ASTN2: variants seen among roughly 807,000 people sequenced by gnomAD.
ASTN2 encodes astrotactin-2.
Under a neutral mutation model 139.8 loss-of-function variants are expected in ASTN2, and 54 were observed. The ratio of observed to expected loss-of-function variants is 0.39; its 90% confidence interval spans 0.31 to 0.48. The LOEUF (loss-of-function observed/expected upper bound fraction) is 0.48, where lower values mean the gene tolerates loss of function less well. ASTN2 is among the 20% of genes least tolerant of loss of function. ASTN2 has a pLI of 0.95. For missense variants in ASTN2, 1,565 were observed against 1,725.1 expected, an observed-to-expected ratio of 0.91 and a Z score of 1.64; for synonymous variants, 756 against 719.5, an observed-to-expected ratio of 1.05 and a Z score of -0.81.
intron 5 of ASTN2, among the ~76,000 whole-genome samples, chr9:117,043,344 T>G (rs1290848673): frequency 2.0e-5 from 3 of 152,108 alleles, no homozygotes; most frequent in Non-Finnish European, 4.4e-5. Context: ...CAGTGAGTCA[T>G]GGATAATAGC....
chr9:116,629,077 T>C (rs1856601472), intron 17 of ASTN2, among the ~76,000 whole-genome samples: 1 of 151,948 alleles, frequency 6.6e-6, no homozygotes, highest in African/African-American at 2.4e-5. Flanking sequence ...CCCAACAATT[T>C]GCGGAGGCAG....
chr9:116,490,547 G>A (rs866950749), intron 19 of ASTN2, among the ~76,000 whole-genome samples: 4 of 152,118 alleles, frequency 2.6e-5, no homozygotes, highest in Non-Finnish European at 4.4e-5. Context: ...AAATACTTGA[G>A]ACTGGGTAAC....
At chr9:116,935,229 A>G (rs1835034712) in intron 10 of ASTN2, among the ~76,000 whole-genome samples, 1 of 152,218 alleles carries the variant, frequency 6.6e-6, no homozygotes, top group Non-Finnish European at 1.5e-5. Context: ...TTCAATACAT[A>G]GAGGATTTGA....
intron 13 of ASTN2, among the ~76,000 whole-genome samples, chr9:116,747,125 T>C (rs984371074): frequency 2.0e-5 from 3 of 152,216 alleles, no homozygotes; most frequent in South Asian, 4.1e-4. Flanking sequence ...TAATATCTAT[T>C]CATCGTTTAC....
At chr9:117,179,407 C>A (rs781469543) in intron 3 of ASTN2, among the ~76,000 whole-genome samples, 11 of 151,568 alleles carry the variant, frequency 7.3e-5, no homozygotes, top group Non-Finnish European at 1.3e-4. Flanking sequence ...GATAAGTAAC[C>A]CAGCTTGTTG....
intron 1 of ASTN2, among the ~76,000 whole-genome samples, chr9:117,383,877 T>C (rs1385685917): frequency 6.6e-6 from 1 of 152,220 alleles, no homozygotes; most frequent in Non-Finnish European, 1.5e-5. Context: ...CAATTCCAGC[T>C]GCTCAGATGT....
chr9:117,347,496 C>T (rs1470666279), intron 1 of ASTN2, among the ~76,000 whole-genome samples: 1 of 151,870 alleles, frequency 6.6e-6, no homozygotes, highest in East Asian at 1.9e-4. Context: ...TATCATTAAC[C>T]TCATTTTATA....
intron 10 of ASTN2, among the ~76,000 whole-genome samples, chr9:116,968,334 T>C (rs1203376967): frequency 3.3e-5 from 5 of 152,164 alleles, no homozygotes; most frequent in Admixed American, 2.6e-4. Flanking sequence ...GCACTGTATC[T>C]GACTAGGGGT....
rs192864915 is a variant in ASTN2 at position 116,765,950 on chromosome 9, G to A, written c.2397-32427C>T. ...CATATGCTAATTTTATTGGGGGAGG[G>A]AATAAGCGTTGTGTGGCCTTGGGCA... On this transcript the variant is annotated intron_variant, in intron 13 of 22. Coordinates refer to ENST00000313400, the MANE Select transcript of ASTN2 (RefSeq NM_001365068.1). Among the ~76,000 whole-genome samples the A allele has an allele frequency of 1.4e-3, 210 of 152,194 alleles. 2 individuals carry two copies. The highest frequency in any genetic ancestry group is 5.0e-3 in the African/African-American group (208 of 41,518).
At chr9:116,436,347 G>A (rs1206571371) in intron 22 of ASTN2, among the ~76,000 whole-genome samples, 1 of 152,126 alleles carries the variant, frequency 6.6e-6, no homozygotes, top group Non-Finnish European at 1.5e-5. Context: ...CATAGAAGAG[G>A]AGACCCAGCA....
intron 22 of ASTN2, 67 bp from the exon 23 acceptor site, chr9:116,426,155 T>C (rs2118795177): frequency 6.3e-7 from 1 of 1,575,118 alleles, no homozygotes; most frequent in East Asian, 2.3e-5. Flanking sequence ...TTTGAGGTAG[T>C]AAATGTCAAC....
chr9:116,569,929 T>A (rs1292592065), intron 19 of ASTN2, among the ~76,000 whole-genome samples: 1 of 152,208 alleles, frequency 6.6e-6, no homozygotes, highest in African/African-American at 2.4e-5. Flanking sequence ...CGTCATGCCG[T>A]CTAATTCAGA....
chr9:116,726,038 T>C (rs1790832582), intron 15 of ASTN2, 88 bp from the exon 16 acceptor site: 4 of 1,334,402 alleles, frequency 3.0e-6, no homozygotes, highest in Non-Finnish European at 4.1e-6. Flanking sequence ...CTTCCCAACC[T>C]GTATTTTGTG....
chr9:117,016,618 ATCTATC>A (rs1478516532), intron 6 of ASTN2, among the ~76,000 whole-genome samples: 421 of 19,002 alleles, frequency 0.022, 14 homozygotes, highest in East Asian at 0.052. Context: ...ATCTATATCT[ATCTATC>A]TATATATATA....
chr9:117,257,311 G>T (rs1264768645), intron 2 of ASTN2, among the ~76,000 whole-genome samples: 1 of 152,172 alleles, frequency 6.6e-6, no homozygotes, highest in African/African-American at 2.4e-5. Context: ...AGGATCCAAA[G>T]AACTCCAACA....
chr9:117,157,333 C>G (rs1312505431), intron 3 of ASTN2, among the ~76,000 whole-genome samples: 1 of 151,988 alleles, frequency 6.6e-6, no homozygotes, highest in Non-Finnish European at 1.5e-5. Flanking sequence ...TCCAAGTTAG[C>G]AGGAAGCCTG....
chr9:116,775,682 G>A (rs1387280596), intron 13 of ASTN2, among the ~76,000 whole-genome samples: 2 of 133,276 alleles, frequency 1.5e-5, no homozygotes, highest in African/African-American at 2.8e-5. Flanking sequence ...AGGGAGGGAG[G>A]GAGGGAGAAA....
intron 10 of ASTN2, among the ~76,000 whole-genome samples, chr9:116,962,947 T>C (rs1360145783): frequency 1.3e-5 from 2 of 152,180 alleles, no homozygotes; most frequent in Non-Finnish European, 2.9e-5. Flanking sequence ...ATAAAATTAA[T>C]GTCATTGCAA....
intron 3 of ASTN2, among the ~76,000 whole-genome samples, chr9:117,209,937 TA>T (rs1832066042): frequency 6.6e-6 from 1 of 152,044 alleles, no homozygotes; most frequent in Non-Finnish European, 1.5e-5. Flanking sequence ...GGAGATTAAA[TA>T]AGATGCTCCT....
Sources: allele counts gnomAD v4.1 joint callset (sites outside exome capture counted in the v4.1 genomes callset), GRCh38; gene constraint gnomAD v4.1.1; transcripts MANE v1.5; gene names NCBI Gene and HGNC (gene_info 2026-07-23, HGNC 2026-07-21).